Variants in CAPZA2 observed in about 807,000 individuals in gnomAD.
CAPZA2 encodes F-actin-capping protein subunit alpha-2.
In CAPZA2, 13 loss-of-function variants were observed where a neutral mutation model predicts 44.0. The observed-to-expected ratio is 0.30, with a 90% confidence interval of 0.19 to 0.47. CAPZA2 has a LOEUF of 0.47. Ranked by LOEUF, CAPZA2 falls within the 20% of genes least tolerant of loss-of-function variation. The probability of loss-of-function intolerance (pLI) is 1.00; values close to 1 mark genes in which losing one functional copy is unlikely to be tolerated. For synonymous variants in CAPZA2, 94 were observed against 108.2 expected, an observed-to-expected ratio of 0.87 and a Z score of 0.81; for missense variants, 244 against 338.6, an observed-to-expected ratio of 0.72 and a Z score of 2.19.
chr7:116,880,083 A>G (rs1254713674), intron 1 of CAPZA2: 1 of 469,980 alleles, frequency 2.1e-6, no homozygotes, highest in Non-Finnish European at 4.4e-6. Flanking sequence ...TCAGTGCTAC[A>G]CTTTGAGGAT....
chr7:116,912,288 A>G, intron 8 of CAPZA2, 148 bp downstream of exon 8: 1 of 1,221,754 alleles, frequency 8.2e-7, no homozygotes, highest in Non-Finnish European at 1.1e-6. Context: ...CCTGTACCTA[A>G]CTTTTTTGCA....
intron 1 of CAPZA2, among the ~76,000 whole-genome samples, chr7:116,881,073 C>T (rs1796692010): frequency 6.6e-6 from 1 of 151,996 alleles, no homozygotes; most frequent in Non-Finnish European, 1.5e-5. Context: ...ACATTACTTA[C>T]ATGGATATTT....
In CAPZA2 at chr7:116,912,121, A is replaced by G. The variant is rs747599961; in HGVS notation, c.638A>G (p.Gln213Arg). The stretch of plus-strand genomic sequence containing the variant: ...CAGCTAGTGAGTCATAAAGATATAC[A>G]AGATTCCCTAACAGTGTCTGTAAGT... Reference protein sequence around the residue: ...NVQLVSHKDIQDSLTVSNEVQ... With the variant: ...NVQLVSHKDIRDSLTVSNEVQ... The change falls in exon 8 of 10, where the codon CAA becomes CGA. Residue 213 changes from glutamine to arginine, a missense_variant. By Grantham distance (43) the Gln-to-Arg change is conservative. Coordinates refer to ENST00000361183, the MANE Select transcript of CAPZA2 (RefSeq NM_006136.3). The G allele has an allele frequency of 6.2e-7, 1 of 1,612,994 alleles. No homozygotes were observed. The highest frequency in any genetic ancestry group is 1.7e-5 in the Admixed American group (1 of 59,992).
chr7:116,899,484 C>T (rs1472312943), intron 4 of CAPZA2, among the ~76,000 whole-genome samples: 2 of 151,610 alleles, frequency 1.3e-5, no homozygotes, highest in South Asian at 2.1e-4. Context: ...TGGCATTAGT[C>T]GTTACGTAAT....
At chr7:116,903,456 T>C (rs940727135) in intron 4 of CAPZA2, among the ~76,000 whole-genome samples, 2 of 152,062 alleles carry the variant, frequency 1.3e-5, no homozygotes, top group African/African-American at 4.8e-5. Context: ...GAAAGGTATA[T>C]CCTGTGTTGT....
intron 3 of CAPZA2, among the ~76,000 whole-genome samples, chr7:116,896,402 C>G (rs1468271913): frequency 3.3e-5 from 5 of 152,044 alleles, no homozygotes. Flanking sequence ...GATAAATAAG[C>G]CTTTTAGGGA....
intron 1 of CAPZA2, among the ~76,000 whole-genome samples, chr7:116,887,910 A>C (rs1332734124): frequency 6.6e-6 from 1 of 152,228 alleles, no homozygotes; most frequent in Non-Finnish European, 1.5e-5. Context: ...TTCATTCAGT[A>C]TTGTATATTT....
In CAPZA2 at chr7:116,920,155, G is replaced by C. The variant is rs1791748260; in HGVS notation, c.*2288G>C. The C allele has an allele frequency of 6.6e-6, 1 of 151,734 alleles. No individual in the cohort carries two copies. Among genetic ancestry groups the C allele is most frequent in the Non-Finnish European group, 1.5e-5 (1 of 68,014 alleles). 9.4% of individuals were successfully genotyped at this position (151,734 alleles called of 1,614,324 possible). A position where few individuals can be genotyped will look rare whatever the true frequency, so the allele number is the denominator to read the frequency against. ...AACTACTCAGGAGGCTGAGACAGGA[G>C]AATCATTTGAACCCGGGAGGTGGAG... On this transcript the variant is annotated 3_prime_UTR_variant, in exon 10 of 10. Transcript: ENST00000361183.
At position 116,916,040 on chromosome 7, in the gene CAPZA2, TTTG is replaced by T; in HGVS notation, c.658-17_658-15del. The T allele has an allele frequency of 2.0e-6, 3 of 1,470,854 alleles. No homozygotes were observed. Among genetic ancestry groups the T allele is most frequent in the Non-Finnish European group, 2.7e-6 (3 of 1,094,490 alleles). The allele number at this position is 1,470,854 out of a possible 1,614,324, so 91.1% of individuals were successfully genotyped here. A position where few individuals can be genotyped will look rare whatever the true frequency, so the allele number is the denominator to read the frequency against. ...TTTAGTTTTAAATTACTATTTTTAT[TTTG>T]TTTTTTTTTTTTTCAGAATGAAGTG... On this transcript the variant is annotated splice_polypyrimidine_tract_variant and intron_variant, in intron 8 of 9. Transcript: ENST00000361183.
At chr7:116,880,696 C>CTTGTTTTTTTTT in intron 1 of CAPZA2, among the ~76,000 whole-genome samples, 1 of 24,686 alleles carries the variant, frequency 4.1e-5, no homozygotes, top group East Asian at 1.5e-3. Context: ...TGTAACCTGC[C>CTTGTTTTTTTTT]TTTTTTTTTT....
chr7:116,913,566 C>T (rs1320980119), intron 8 of CAPZA2, among the ~76,000 whole-genome samples: 4 of 151,936 alleles, frequency 2.6e-5, no homozygotes, highest in Non-Finnish European at 4.4e-5. Context: ...TTCACACATT[C>T]TTTCCCTTGC....
chr7:116,885,457 C>A (rs896094096), intron 1 of CAPZA2, among the ~76,000 whole-genome samples: 1 of 152,050 alleles, frequency 6.6e-6, no homozygotes, highest in African/African-American at 2.4e-5. Context: ...CGGACACCAG[C>A]TGGGTGTCAT....
intron 1 of CAPZA2, among the ~76,000 whole-genome samples, chr7:116,884,853 T>C (rs560493407): frequency 3.3e-5 from 5 of 152,342 alleles, no homozygotes; most frequent in African/African-American, 1.2e-4. Flanking sequence ...GTTGAATGAT[T>C]TTGCATTTCC....
chr7:116,917,828 C>T lies in CAPZA2; in HGVS notation c.822C>T (p.Ile274=), dbSNP rs1302817054. The change falls in exon 10 of 10, where the codon ATC becomes ATT. Residue 274 remains isoleucine (I), a synonymous_variant. Coordinates refer to ENST00000361183, the MANE Select transcript of CAPZA2 (RefSeq NM_006136.3). ...VTRTKIDWNK[I]LSYKIGKEMQ... ...GCACTAAGATTGATTGGAACAAGATCCTTAGCTACAAGATTGGCAAAGAGA... is the reference window on the plus strand; with the variant it reads ...GCACTAAGATTGATTGGAACAAGATTCTTAGCTACAAGATTGGCAAAGAGA... 6.2e-7 allele frequency: 1 copy of T among 1,612,774 alleles called. No homozygotes were observed. Among genetic ancestry groups the T allele is most frequent in the Non-Finnish European group, 8.5e-7 (1 of 1,178,778 alleles).
chr7:116,894,858 C>A (rs1003167684), intron 3 of CAPZA2, among the ~76,000 whole-genome samples: 1 of 152,064 alleles, frequency 6.6e-6, no homozygotes, highest in African/African-American at 2.4e-5. Flanking sequence ...TAATAATATT[C>A]TGTTGTATCT....
chr7:116,889,566 CAA>C (rs745664263), intron 2 of CAPZA2, among the ~76,000 whole-genome samples: 24 of 112,870 alleles, frequency 2.1e-4, no homozygotes, highest in Admixed American at 2.6e-4. Context: ...CCATCTCTAC[CAA>C]AAAAAAAAAA....
intron 1 of CAPZA2, among the ~76,000 whole-genome samples, chr7:116,882,896 G>A (rs900917466): frequency 6.6e-6 from 1 of 152,170 alleles, no homozygotes; most frequent in African/African-American, 2.4e-5. Context: ...TCAGCTGCCA[G>A]GGACTTTATC....
intron 1 of CAPZA2, among the ~76,000 whole-genome samples, chr7:116,870,500 C>T (rs1179190529): frequency 1.3e-5 from 2 of 152,160 alleles, no homozygotes; most frequent in Non-Finnish European, 2.9e-5. Context: ...TCCATCTCAT[C>T]AATGTTGACA....
intron 8 of CAPZA2, among the ~76,000 whole-genome samples, chr7:116,913,907 T>A (rs1372097784): frequency 6.6e-6 from 1 of 151,572 alleles, no homozygotes; most frequent in African/African-American, 2.4e-5. Context: ...GCCCCATGGA[T>A]ATTGACAGTA....
Sources: gnomAD v4.1 joint callset for allele counts (sites outside exome capture counted in the v4.1 genomes callset) on GRCh38, gnomAD v4.1.1 for gene constraint, MANE v1.5 for transcripts, NCBI Gene and HGNC (gene_info 2026-07-23, HGNC 2026-07-21) for gene names.